BACH2: variants seen among roughly 807,000 people sequenced by gnomAD.
BACH2 encodes the protein BACH transcriptional regulator 2, also known as transcription regulator protein BACH2.
In BACH2, 5 loss-of-function variants were observed where a neutral mutation model predicts 61.8. The observed-to-expected ratio is 0.08, with a 90% CI of 0.04 to 0.17. The LOEUF is 0.17. Among genes scored for constraint, BACH2 ranks in the 10% least tolerant of loss-of-function variants. BACH2 has a pLI of 1.00. For synonymous variants in BACH2, 446 were observed against 440.1 expected, an observed-to-expected ratio of 1.01 and a Z score of -0.17; for missense variants, 824 against 1,091.1, an observed-to-expected ratio of 0.76 and a Z score of 3.45.
intron 4 of BACH2, among the ~76,000 whole-genome samples, chr6:90,201,106 T>C (rs1768942440): frequency 6.6e-6 from 1 of 152,356 alleles, no homozygotes; most frequent in East Asian, 1.9e-4. Flanking sequence ...ATTATATGGC[T>C]GTACTATGGT....
At chr6:89,934,087 A>G (rs757717341) in intron 8 of BACH2, among the ~76,000 whole-genome samples, 1 of 152,180 alleles carries the variant, frequency 6.6e-6, no homozygotes. Flanking sequence ...ACCCAGTATC[A>G]GCAGGCTCTC....
intron 4 of BACH2, among the ~76,000 whole-genome samples, chr6:90,180,879 AC>A (rs1217792794): frequency 4.6e-5 from 7 of 152,088 alleles, no homozygotes; most frequent in African/African-American, 1.7e-4. Context: ...ACACACACAC[AC>A]ACACACACAC....
At chr6:90,096,749 C>T (rs933859215) in intron 4 of BACH2, among the ~76,000 whole-genome samples, 13 of 152,210 alleles carry the variant, frequency 8.5e-5, no homozygotes, top group African/African-American at 3.1e-4. Flanking sequence ...GAGCATACAC[C>T]TGCACTTGGC....
intron 3 of BACH2, among the ~76,000 whole-genome samples, chr6:90,242,333 G>A (rs969733234): frequency 1.1e-4 from 16 of 152,186 alleles, no homozygotes; most frequent in African/African-American, 3.6e-4. Context: ...AGTTTAAATC[G>A]TACAGTATGT....
At chr6:90,185,112 A>G (rs183751964) in intron 4 of BACH2, among the ~76,000 whole-genome samples, 3 of 152,192 alleles carry the variant, frequency 2.0e-5, no homozygotes, top group Non-Finnish European at 4.4e-5. Flanking sequence ...ACAAATGTGC[A>G]TGTATGCATA....
At chr6:90,145,836 T>C (rs1784598617) in intron 4 of BACH2, among the ~76,000 whole-genome samples, 1 of 152,158 alleles carries the variant, frequency 6.6e-6, no homozygotes, top group South Asian at 2.1e-4. Flanking sequence ...ACACATGGGT[T>C]TAAGTAAGAG....
At chr6:90,219,138 A>C (rs1769650081) in intron 3 of BACH2, among the ~76,000 whole-genome samples, 1 of 152,202 alleles carries the variant, frequency 6.6e-6, no homozygotes, top group Admixed American at 6.5e-5. Flanking sequence ...AGACATTTTC[A>C]GCCTCCCTAT....
chr6:90,266,040 T>C (rs534959656), intron 2 of BACH2, among the ~76,000 whole-genome samples: 1 of 152,276 alleles, frequency 6.6e-6, no homozygotes, highest in East Asian at 1.9e-4. Context: ...TACTGTCATA[T>C]GCCCAGGTAC....
At chr6:89,949,785 T>C (rs1773964458) in intron 7 of BACH2, among the ~76,000 whole-genome samples, 1 of 152,140 alleles carries the variant, frequency 6.6e-6, no homozygotes, top group African/African-American at 2.4e-5. Flanking sequence ...GGGTCTTCTG[T>C]TGACAAGGAA....
chr6:89,931,948 T>C lies in BACH2; in HGVS notation c.*460A>G, dbSNP rs929236065. On this transcript the variant is annotated 3_prime_UTR_variant, in exon 9 of 9. Coordinates refer to ENST00000257749, the MANE Select transcript of BACH2 (RefSeq NM_021813.4). ...TTTTGCATATGGATATATATATATA[T>C]ATATATATATTTTATATATATATTA... is the stretch of plus-strand genomic sequence containing the variant. 1 of 147,464 alleles carries C rather than the reference T, an allele frequency of 6.8e-6. No homozygotes were observed. Among genetic ancestry groups the C allele is most frequent in the African/African-American group, 2.5e-5 (1 of 40,630 alleles). 9.1% of individuals were successfully genotyped at this position (147,464 alleles called of 1,614,324 possible).
At position 89,998,634 on chromosome 6, in the gene BACH2, C is replaced by T. The variant is rs1344197503; in HGVS notation, c.243+9968G>A. Among the ~76,000 whole-genome samples the T allele has an allele frequency of 2.6e-5, 4 of 152,054 alleles. No individual in the cohort carries two copies. The East Asian group carries it at 7.7e-4, about 29-fold the overall frequency. On this transcript the variant is annotated intron_variant, in intron 6 of 8. Transcript: ENST00000257749. ...AAATAAAAGTATTAACTGATTAGTG[C>T]CCACAATTTTATTCTATTTTCTTTG...
intron 5 of BACH2, among the ~76,000 whole-genome samples, chr6:90,053,422 G>A (rs1229971550): frequency 1.3e-5 from 2 of 152,048 alleles, no homozygotes; most frequent in African/African-American, 4.8e-5. Context: ...TAGGACTACA[G>A]GTATACACCA....
intron 4 of BACH2, among the ~76,000 whole-genome samples, chr6:90,119,477 T>C (rs1783537451): frequency 6.6e-6 from 1 of 152,220 alleles, no homozygotes; most frequent in Admixed American, 6.5e-5. Context: ...TCTTCAATCT[T>C]CCACTTGCTT....
intron 6 of BACH2, among the ~76,000 whole-genome samples, chr6:89,982,448 A>G (rs1181398783): frequency 6.6e-6 from 1 of 152,220 alleles, no homozygotes; most frequent in South Asian, 2.1e-4. Context: ...CTGTGGCATC[A>G]GCTTTCTCAG....
chr6:90,111,693 G>T lies in BACH2; in HGVS notation c.-161-22584C>A, dbSNP rs575430866. On this transcript the variant is annotated intron_variant, in intron 4 of 8. Transcript: ENST00000257749. ...TCTTCCTATACACTGCCCTCCTCTG[G>T]ATTACATAGCTCCATTTATTACCCT... is the stretch of plus-strand genomic sequence containing the variant. 1.7e-4 allele frequency among the ~76,000 whole-genome samples: 26 copies of T among 152,254 alleles called. No individual in the cohort carries two copies. In the South Asian group the frequency reaches 5.2e-3, roughly 30 times the overall value.
At chr6:90,278,697 G>C (rs1370684020) in intron 1 of BACH2, among the ~76,000 whole-genome samples, 1 of 152,176 alleles carries the variant, frequency 6.6e-6, no homozygotes, top group African/African-American at 2.4e-5. Flanking sequence ...TCTAAAAGTA[G>C]GGCAAAGGTG....
chr6:89,983,162 A>C (rs1282522527), intron 6 of BACH2, among the ~76,000 whole-genome samples: 1 of 152,246 alleles, frequency 6.6e-6, no homozygotes, highest in Non-Finnish European at 1.5e-5. Context: ...TTCTTTAAGC[A>C]GGTGCCAAAA....
chr6:90,170,355 T>C (rs1177895351), intron 4 of BACH2, among the ~76,000 whole-genome samples: 2 of 152,220 alleles, frequency 1.3e-5, no homozygotes, highest in South Asian at 2.1e-4. Flanking sequence ...CAACATACTA[T>C]ACACTTTACC....
chr6:90,022,178 T>C (rs1778409894), intron 5 of BACH2, among the ~76,000 whole-genome samples: 1 of 152,236 alleles, frequency 6.6e-6, no homozygotes, highest in South Asian at 2.1e-4. Context: ...TTTTTGTTAT[T>C]ATTGCTGCTT....
Sources: allele counts gnomAD v4.1 joint callset (sites outside exome capture counted in the v4.1 genomes callset), GRCh38; gene constraint gnomAD v4.1.1; transcripts MANE v1.5; gene names NCBI Gene and HGNC (gene_info 2026-07-23, HGNC 2026-07-21).